Variants in ANKRD11 observed in about 807,000 individuals in gnomAD.
ANKRD11 encodes the protein ankyrin repeat domain-containing protein 11.
In ANKRD11, 17 loss-of-function variants were observed where a neutral mutation model predicts 195.7. The ratio of observed to expected loss-of-function variants is 0.09; its 90% confidence interval spans 0.06 to 0.13. ANKRD11 has a LOEUF of 0.13. ANKRD11 is among the 10% of genes least tolerant of loss of function. The pLI, the probability that ANKRD11 is intolerant of heterozygous loss-of-function variation, is 1.00. For synonymous variants in ANKRD11, 1,953 were observed against 1,528.1 expected (o/e 1.28, Z -6.49); for missense variants, 3,735 against 3,566.1 (o/e 1.05, Z -1.21).
intron 2 of ANKRD11, among the ~76,000 whole-genome samples, chr16:89,363,292 C>T (rs1305884580): frequency 1.3e-5 from 2 of 152,062 alleles, no homozygotes; most frequent in Admixed American, 6.5e-5. Context: ...CTGTATTTGA[C>T]GGTGCATGCG....
Position 89,280,756 on chromosome 16 carries a change from CTGG to C in ANKRD11, c.5783_5785del (p.Pro1928_Ser1929delinsArg). On this transcript the variant is annotated inframe_deletion, in exon 9 of 13. Transcript: ENST00000301030. ...ACCCTCGTCCAGCGGCTCCAGGTAGCTGGGCTCCGGGGGGATGATGGCGGCCGT... is the reference window on the plus strand; with the variant it reads ...ACCCTCGTCCAGCGGCTCCAGGTAGCGCTCCGGGGGGATGATGGCGGCCGT... The C allele has an allele frequency of 6.2e-7, 1 of 1,613,266 alleles. No homozygotes were observed. Among genetic ancestry groups the C allele is most frequent in the Non-Finnish European group, 8.5e-7 (1 of 1,179,716 alleles).
In ANKRD11 at chr16:89,299,786, TGTGCCCTGTGTGGGGTAC is replaced by T. The variant is rs1235128032; in HGVS notation, c.226+5402_226+5419del. ...TGCCCTGTGTGGGGTGCGTGGGGTCTGTGCCCTGTGTGGGGTACCTGCCCTGTGTGGGCTGCGTGGGGT... is the reference window on the plus strand; with the variant it reads ...TGCCCTGTGTGGGGTGCGTGGGGTCTCTGCCCTGTGTGGGCTGCGTGGGGT... On this transcript the variant is annotated intron_variant, in intron 4 of 12. Transcript: ENST00000301030. 7.7e-4 allele frequency: 141 copies of T among 182,918 alleles called. 3 individuals carry two copies. Among genetic ancestry groups the T allele is most frequent in the Admixed American group, 6.8e-3 (81 of 11,906 alleles). The allele number at this position is 182,918 out of a possible 1,614,324, so 11.3% of individuals were successfully genotyped here.
At chr16:89,328,337 C>T (rs1416432178) in intron 2 of ANKRD11, among the ~76,000 whole-genome samples, 1 of 152,154 alleles carries the variant, frequency 6.6e-6, no homozygotes, top group African/African-American at 2.4e-5. Flanking sequence ...ACAACTGCAC[C>T]CCAGGACATT....
At chr16:89,293,870 G>A (rs963322650) in intron 4 of ANKRD11, among the ~76,000 whole-genome samples, 1 of 152,132 alleles carries the variant, frequency 6.6e-6, no homozygotes, top group Non-Finnish European at 1.5e-5. Context: ...CAGAGGAACA[G>A]GCAGAGGCAA....
Position 89,458,017 on chromosome 16 carries a change from G to A in ANKRD11, c.-145+32228C>T, listed in dbSNP as rs1043514508. Among the ~76,000 whole-genome samples the A allele has an allele frequency of 2.0e-5, 3 of 152,104 alleles. No homozygotes were observed. The South Asian group carries it at 6.2e-4, about 32-fold the overall frequency. ...AGAGCCCTGGAGACCCCACACCTGG[G>A]GACTGGAGACCGCAGCCATCCACCT... On this transcript the variant is annotated intron_variant, in intron 1 of 12. Transcript: ENST00000301030.
chr16:89,428,066 G>T (rs551092747), intron 1 of ANKRD11, among the ~76,000 whole-genome samples: 10 of 150,890 alleles, frequency 6.6e-5, no homozygotes, highest in Non-Finnish European at 1.5e-4. Flanking sequence ...AAATTAGCCA[G>T]ACATGGTGGC....
rs550677251 is a variant in ANKRD11, at chr16:89,273,683, G to A, written c.7713+1131C>T. ...CCACACTCCAGCCTGGCAACAGAGC[G>A]AGACTCCGTCACAAAAAAAAAAAGG... On this transcript the variant is annotated intron_variant, in intron 11 of 12. Coordinates refer to ENST00000301030, the MANE Select transcript of ANKRD11 (RefSeq NM_013275.6). Among the ~76,000 whole-genome samples the A allele has an allele frequency of 6.6e-5, 10 of 151,138 alleles. No individual in the cohort carries two copies. In the South Asian group the frequency reaches 8.3e-4, roughly 13 times the overall value.
At chr16:89,348,022 C>A (rs2039026694) in intron 2 of ANKRD11, among the ~76,000 whole-genome samples, 1 of 152,066 alleles carries the variant, frequency 6.6e-6, no homozygotes, top group Admixed American at 6.6e-5. Context: ...CAGCCTCTAC[C>A]TCCTGGGCTC....
intron 1 of ANKRD11, among the ~76,000 whole-genome samples, chr16:89,477,549 G>T (rs1375930785): frequency 4.6e-5 from 7 of 151,760 alleles, no homozygotes; most frequent in Non-Finnish European, 1.0e-4. Flanking sequence ...AAGAGACAGG[G>T]TTTCACCATG....
At chr16:89,456,231 T>C (rs1236694463) in intron 1 of ANKRD11, among the ~76,000 whole-genome samples, 1 of 142,264 alleles carries the variant, frequency 7.0e-6, no homozygotes, top group Non-Finnish European at 1.5e-5. Flanking sequence ...CAGAACAAGA[T>C]TCGGTCCCAA....
Position 89,282,193 on chromosome 16 carries a change from G to T in ANKRD11, c.4349C>A (p.Ser1450Tyr). Reference protein sequence around the residue: ...KIEKELKPYGSSAINILKEKK... With the variant: ...KIEKELKPYGYSAINILKEKK... ...CTCTTTTAGGATGTTGATGGCACTAGATCCATAAGGCTTTAGTTCCTTTTC... is the reference window on the plus strand; with the variant it reads ...CTCTTTTAGGATGTTGATGGCACTATATCCATAAGGCTTTAGTTCCTTTTC... The change falls in exon 9 of 13, where the codon TCT (serine) becomes TAT (tyrosine). Residue 1450 changes from serine (S) to tyrosine (Y), a missense_variant. Coordinates refer to ENST00000301030, the MANE Select transcript of ANKRD11 (RefSeq NM_013275.6). 6.2e-7 allele frequency: 1 copy of T among 1,613,938 alleles called. No individual in the cohort carries two copies. Among genetic ancestry groups the T allele is most frequent in the Non-Finnish European group, 8.5e-7 (1 of 1,179,986 alleles).
intron 2 of ANKRD11, among the ~76,000 whole-genome samples, chr16:89,353,624 T>C (rs1307052294): frequency 1.3e-5 from 2 of 152,022 alleles, no homozygotes; most frequent in Non-Finnish European, 2.9e-5. Flanking sequence ...ATTACAGGCA[T>C]GCACAACCAC....
At position 89,268,857 on chromosome 16, in the gene ANKRD11, C is replaced by G. The variant is rs567682785; in HGVS notation, c.7807-194G>C. Among the ~76,000 whole-genome samples, 30 of 152,376 alleles carry G rather than the reference C, an allele frequency of 2.0e-4. No homozygotes were observed. The South Asian group carries it at 4.6e-3, about 23-fold the overall frequency. ...CGGTAGCGCCAGCTGTGCTACATGT[C>G]TGTCCCCATAACCGCTGTCTATGCC... On this transcript the variant is annotated intron_variant, in intron 12 of 12. Coordinates refer to ENST00000301030, the MANE Select transcript of ANKRD11 (RefSeq NM_013275.6).
At chr16:89,424,346 C>G (rs891157404) in intron 1 of ANKRD11, among the ~76,000 whole-genome samples, 1 of 151,500 alleles carries the variant, frequency 6.6e-6, no homozygotes, top group Non-Finnish European at 1.5e-5. Flanking sequence ...GAGACTGAAG[C>G]AGGAGAATCA....
chr16:89,435,228 AACCAATCAGCATTCTGTAAAAATGG>A (rs1329941854), intron 1 of ANKRD11, among the ~76,000 whole-genome samples: 2 of 152,278 alleles, frequency 1.3e-5, no homozygotes, highest in East Asian at 1.9e-4. Context: ...TTTATAAACT[AACCAATCAGCATTCTGTAAAAATGG>A]ACCAATCAGC....
chr16:89,319,448 A>T (rs912213949), intron 2 of ANKRD11, among the ~76,000 whole-genome samples: 6 of 152,138 alleles, frequency 3.9e-5, no homozygotes, highest in African/African-American at 1.4e-4. Context: ...GGGACTCGGG[A>T]GTGTTGTCCC....
At chr16:89,336,839 C>G (rs1188697032) in intron 2 of ANKRD11, among the ~76,000 whole-genome samples, 1 of 152,014 alleles carries the variant, frequency 6.6e-6, no homozygotes, top group Non-Finnish European at 1.5e-5. Flanking sequence ...TAGAAAACAA[C>G]TGCAGGCCGG....
At chr16:89,438,573 T>G (rs948937301) in intron 1 of ANKRD11, among the ~76,000 whole-genome samples, 8 of 152,186 alleles carry the variant, frequency 5.3e-5, no homozygotes, top group Admixed American at 2.6e-4. Flanking sequence ...CTTCAGGTGA[T>G]CCACCCACCT....
chr16:89,428,461 G>A (rs539357986), intron 1 of ANKRD11, among the ~76,000 whole-genome samples: 1 of 152,098 alleles, frequency 6.6e-6, no homozygotes, highest in Non-Finnish European at 1.5e-5. Context: ...GGGAGGCGGA[G>A]CTTGCAGTGA....
Sources: gnomAD v4.1 joint callset for allele counts (sites outside exome capture counted in the v4.1 genomes callset) on GRCh38, gnomAD v4.1.1 for gene constraint, MANE v1.5 for transcripts, NCBI Gene and HGNC (gene_info 2026-07-23, HGNC 2026-07-21) for gene names.